DYNAP: variants seen among roughly 807,000 people sequenced by gnomAD.
The protein encoded by DYNAP is dynactin-associated protein.
In DYNAP, 7 loss-of-function variants were observed where a neutral mutation model predicts 8.5. The ratio of observed to expected loss-of-function variants is 0.82; its 90% CI spans 0.47 to 1.54. The LOEUF is 1.54. DYNAP is among the 40% of genes most tolerant of loss of function. The probability of loss-of-function intolerance (pLI) is 0.01; values close to 1 mark genes in which losing one functional copy is unlikely to be tolerated. For synonymous variants in DYNAP, 77 were observed against 77.9 expected, an observed-to-expected ratio of 0.99 and a Z score of 0.06; for missense variants, 256 against 224.3, an observed-to-expected ratio of 1.14 and a Z score of -0.90.
chr18:54,597,810 T>C lies in DYNAP; in HGVS notation c.223-3T>C. The C allele has an allele frequency of 1.3e-6, 2 of 1,598,192 alleles. No homozygotes were observed. The highest frequency in any genetic ancestry group is 1.7e-6 in the Non-Finnish European group (2 of 1,169,736). ...TTGCTGATATTTTTATATACATGCT[T>C]AGGTAAAAGAATATTGCCGCAATGA... On this transcript the variant is annotated splice_polypyrimidine_tract_variant and splice_region_variant and intron_variant, in intron 2 of 2. Transcript: ENST00000648945.
chr18:54,587,781 C>T (rs1300756053), upstream of DYNAP: 2 of 400,062 alleles, frequency 5.0e-6, no homozygotes, highest in Non-Finnish European at 8.9e-6. Flanking sequence ...GTAAGTCAGC[C>T]AGAGAGACAA....
chr18:54,586,504 C>T (rs889006283), upstream of DYNAP, among the ~76,000 whole-genome samples: 7 of 152,156 alleles, frequency 4.6e-5, no homozygotes, highest in South Asian at 1.0e-3. Flanking sequence ...GCCATGCTTC[C>T]AGTAAATATC....
Position 54,598,438 on chromosome 18 carries a change from T to C in DYNAP, c.*293T>C. On this transcript the variant is annotated 3_prime_UTR_variant, in exon 3 of 3. Transcript: ENST00000648945. ...CTTAACCTATAACTACTGTAACTTCTACTTAGCCTACAGTAACAATGCTCA... is the reference window on the plus strand; with the variant it reads ...CTTAACCTATAACTACTGTAACTTCCACTTAGCCTACAGTAACAATGCTCA... 1 of 323,886 alleles carries C rather than the reference T, an allele frequency of 3.1e-6. No homozygotes were observed. The allele number at this position is 323,886 out of a possible 1,614,324, so 20.1% of individuals were successfully genotyped here. A position where few individuals can be genotyped will look rare whatever the true frequency, so the allele number is the denominator to read the frequency against.
intron 2 of DYNAP, among the ~76,000 whole-genome samples, chr18:54,596,000 A>G (rs1012624885): frequency 1.3e-5 from 2 of 152,156 alleles, no homozygotes; most frequent in African/African-American, 4.8e-5. Context: ...AAAGTAATCC[A>G]TATCAATCAT....
intron 2 of DYNAP, among the ~76,000 whole-genome samples, chr18:54,596,257 G>T (rs7233266): frequency 0.082 from 12,462 of 151,806 alleles, 838 homozygotes; most frequent in African/African-American, 0.18. Context: ...ATTTTTTGTA[G>T]AGTTGAGGTC....
the DYNAP span, among the ~76,000 whole-genome samples, chr18:54,580,675 G>C: frequency 6.6e-6 from 1 of 152,114 alleles, no homozygotes; most frequent in African/African-American, 2.4e-5. Context: ...ATAGCTACTC[G>C]TAAGATAAAT....
upstream of DYNAP, among the ~76,000 whole-genome samples, chr18:54,589,268 T>C (rs1019059981): frequency 6.6e-6 from 1 of 152,164 alleles, no homozygotes; most frequent in East Asian, 1.9e-4. Flanking sequence ...CAAACACATG[T>C]CAGCCAACAA....
chr18:54,593,326 G>T (rs535986856), intron 1 of DYNAP, among the ~76,000 whole-genome samples: 32 of 152,128 alleles, frequency 2.1e-4, no homozygotes, highest in South Asian at 4.2e-4. Flanking sequence ...ATTAGTAATG[G>T]GTTATTAAAT....
At chr18:54,588,810 T>A (rs901911116), upstream of DYNAP, among the ~76,000 whole-genome samples, 31 of 152,168 alleles carry the variant, frequency 2.0e-4, 2 homozygotes, top group Admixed American at 2.0e-3. Flanking sequence ...TTACAGAATG[T>A]TTCAGTTTTT....
upstream of DYNAP, among the ~76,000 whole-genome samples, chr18:54,587,408 C>T (rs1448951606): frequency 6.6e-6 from 1 of 152,130 alleles, no homozygotes; most frequent in Non-Finnish European, 1.5e-5. Flanking sequence ...AAAGTTTCTA[C>T]AAACCCATCA....
At chr18:54,579,546 T>C in the DYNAP span, among the ~76,000 whole-genome samples, 3 of 152,218 alleles carry the variant, frequency 2.0e-5, no homozygotes, top group East Asian at 3.8e-4. Context: ...GGATATGTAG[T>C]TTGAAATGGA....
chr18:54,591,434 A>G (rs2144886565), intron 1 of DYNAP, 95 bp downstream of exon 1: 1 of 1,377,746 alleles, frequency 7.3e-7, no homozygotes, highest in East Asian at 2.5e-5. Flanking sequence ...CTATCTAGCC[A>G]ACATCATAAT....
intron 2 of DYNAP, among the ~76,000 whole-genome samples, chr18:54,595,964 A>C (rs752995363): frequency 2.0e-5 from 3 of 152,150 alleles, no homozygotes; most frequent in Non-Finnish European, 4.4e-5. Context: ...TGGAGTTAGA[A>C]AATGTTTCTT....
At chr18:54,582,008 C>T in the DYNAP span, among the ~76,000 whole-genome samples, 14 of 152,114 alleles carry the variant, frequency 9.2e-5, no homozygotes, top group African/African-American at 1.7e-4. Context: ...ATGATCCGGC[C>T]GGGCGCGATG....
chr18:54,589,557 T>A (rs556403297), upstream of DYNAP, among the ~76,000 whole-genome samples: 43 of 152,294 alleles, frequency 2.8e-4, no homozygotes, highest in Admixed American at 5.9e-4. Context: ...TTCCTTTTGA[T>A]TTTAAATTTT....
At chr18:54,588,965 T>C (rs1437139891), upstream of DYNAP, among the ~76,000 whole-genome samples, 2 of 151,994 alleles carry the variant, frequency 1.3e-5, no homozygotes, top group African/African-American at 4.8e-5. Context: ...GGCTTTGAAA[T>C]TCTGTGTCTG....
the DYNAP span, among the ~76,000 whole-genome samples, chr18:54,579,151 G>A: frequency 6.6e-6 from 1 of 152,074 alleles, no homozygotes; most frequent in African/African-American, 2.4e-5. Context: ...CAGAAATGTT[G>A]TATTACTCTA....
At position 54,598,368 on chromosome 18, in the gene DYNAP, A is replaced by G; in HGVS notation, c.*223A>G. ...ACCACTTCGACCATCTCTTTGACTG[A>G]ATCAACAACTACATTCCCTTCAACT... On this transcript the variant is annotated 3_prime_UTR_variant, in exon 3 of 3. Transcript: ENST00000648945. 1 of 521,370 alleles carries G rather than the reference A, an allele frequency of 1.9e-6. No individual in the cohort carries two copies. Among genetic ancestry groups the G allele is most frequent in the Non-Finnish European group, 3.4e-6 (1 of 295,068 alleles). 32.3% of individuals were successfully genotyped at this position (521,370 alleles called of 1,614,324 possible).
At position 54,598,776 on chromosome 18, in the gene DYNAP, T is replaced by G. The variant is rs1911420568; in HGVS notation, c.*631T>G. On this transcript the variant is annotated 3_prime_UTR_variant, in exon 3 of 3. Coordinates refer to ENST00000648945, the MANE Select transcript of DYNAP (RefSeq NM_173629.3). Reference sequence around the variant, plus strand: ...TAGAGAATATCCTTTCCCCTTTGTTTTCCTTCCTTTCTTTCCAGATCCAGG... The same window carrying G: ...TAGAGAATATCCTTTCCCCTTTGTTGTCCTTCCTTTCTTTCCAGATCCAGG... 1 of 152,172 alleles carries G rather than the reference T, an allele frequency of 6.6e-6. No individual in the cohort carries two copies. The allele number at this position is 152,172 out of a possible 1,614,324, so 9.4% of individuals were successfully genotyped here.
Sources: allele counts gnomAD v4.1 joint callset (sites outside exome capture counted in the v4.1 genomes callset), GRCh38; gene constraint gnomAD v4.1.1; transcripts MANE v1.5; gene names NCBI Gene and HGNC (gene_info 2026-07-23, HGNC 2026-07-21).